PREX2: variants seen among roughly 807,000 people sequenced by gnomAD.
PREX2 encodes phosphatidylinositol 3,4,5-trisphosphate-dependent Rac exchanger 2 protein.
In PREX2, 107 loss-of-function variants were observed where a neutral mutation model predicts 203.2. That is an observed-to-expected ratio of 0.53 (90% confidence interval 0.45 to 0.62). The LOEUF is 0.62. Ranked by LOEUF, PREX2 falls within the 20% of genes least tolerant of loss-of-function variation. The pLI is 0.00. For synonymous variants in PREX2, 672 were observed against 663.6 expected, an observed-to-expected ratio of 1.01 and a Z score of -0.19; for missense variants, 1,777 against 1,955.9, an observed-to-expected ratio of 0.91 and a Z score of 1.72.
chr8:68,198,579 T>C (rs1812443923), intron 37 of PREX2, among the ~76,000 whole-genome samples: 1 of 152,232 alleles, frequency 6.6e-6, no homozygotes, highest in African/African-American at 2.4e-5. Flanking sequence ...CTGTTTTTCT[T>C]TAACCAATAT....
At chr8:67,976,096 G>T (rs980892596) in intron 1 of PREX2, among the ~76,000 whole-genome samples, 1 of 151,952 alleles carries the variant, frequency 6.6e-6, no homozygotes, top group Non-Finnish European at 1.5e-5. Context: ...TATAACACAC[G>T]GTTGCAACTA....
chr8:68,227,293 G>A (rs1813073551), intron 39 of PREX2, among the ~76,000 whole-genome samples: 1 of 152,142 alleles, frequency 6.6e-6, no homozygotes, highest in African/African-American at 2.4e-5. Flanking sequence ...GACACGAATT[G>A]GATAAAGGAG....
At chr8:68,229,991 C>G (rs1187852548) in intron 39 of PREX2, among the ~76,000 whole-genome samples, 1 of 152,162 alleles carries the variant, frequency 6.6e-6, no homozygotes, top group Non-Finnish European at 1.5e-5. Context: ...TAAGCTTCTT[C>G]TGATGTGAGA....
intron 1 of PREX2, among the ~76,000 whole-genome samples, chr8:67,973,592 A>T (rs767097214): frequency 5.9e-5 from 9 of 152,120 alleles, no homozygotes; most frequent in Non-Finnish European, 1.3e-4. Flanking sequence ...GTTTCATACC[A>T]CTTTTATCTT....
chr8:68,068,826 T>C (rs1809098993), intron 11 of PREX2, among the ~76,000 whole-genome samples: 1 of 128,034 alleles, frequency 7.8e-6, no homozygotes, highest in African/African-American at 2.9e-5. Context: ...AATCGTTATA[T>C]GGAAACTGTA....
At chr8:68,081,652 C>CT (rs1809529362) in intron 17 of PREX2, among the ~76,000 whole-genome samples, 1 of 152,138 alleles carries the variant, frequency 6.6e-6, no homozygotes, top group East Asian at 1.9e-4. Flanking sequence ...AAAGGACATG[C>CT]TTTAACTATT....
In PREX2 at chr8:68,192,458, G is replaced by T. The variant is rs766104460; in HGVS notation, c.4537G>T (p.Val1513Phe). ...TGCTTCTGGGGTTGGACTGCTGTCA[G>T]TTTCCTCGGAGCTGTGCAACAGGCT... ...CSASGVGLLS[V>F]SSELCNRLGA... Residue 1513 changes from valine (V) to phenylalanine (F), a missense_variant, in exon 37 of 40, where the codon GTT becomes TTT. Physicochemically the swap from Val to Phe is conservative, Grantham distance 50. Coordinates refer to ENST00000288368, the MANE Select transcript of PREX2 (RefSeq NM_024870.4). 1 of 1,613,380 alleles carries T rather than the reference G, an allele frequency of 6.2e-7. No homozygotes were observed. Among genetic ancestry groups the T allele is most frequent in the South Asian group, 1.1e-5 (1 of 91,044 alleles).
chr8:68,045,019 T>G (rs1412510235), intron 8 of PREX2, among the ~76,000 whole-genome samples: 3 of 152,138 alleles, frequency 2.0e-5, no homozygotes, highest in Admixed American at 1.3e-4. Context: ...GTTTTTCATA[T>G]AGACAGGTTG....
At chr8:68,093,875 T>C (rs767575285) in intron 21 of PREX2, among the ~76,000 whole-genome samples, 153 bp downstream of exon 21, 27 of 152,228 alleles carry the variant, frequency 1.8e-4, no homozygotes, top group Middle Eastern at 3.2e-3. Flanking sequence ...TAAGTAATAA[T>C]AGCTAGTAGC....
In PREX2 at chr8:68,082,393, G is replaced by T. The variant is rs561319154; in HGVS notation, c.1879-847G>T. The T allele has an allele frequency of 2.6e-5, 4 of 152,282 alleles. No individual in the cohort carries two copies. The East Asian group carries it at 5.8e-4, about 22-fold the overall frequency. The allele number at this position is 152,282 out of a possible 1,614,324, so 9.4% of individuals were successfully genotyped here. A position where few individuals can be genotyped will look rare whatever the true frequency, so the allele number is the denominator to read the frequency against. ...AGGTCTCTGTTTTATCAAAACACAG[G>T]TTCATGCAAGACAAAGCTTTCTGTA... On this transcript the variant is annotated intron_variant, in intron 17 of 39. Coordinates refer to ENST00000288368, the MANE Select transcript of PREX2 (RefSeq NM_024870.4).
At chr8:68,159,125 G>C (rs28784981) in intron 35 of PREX2, among the ~76,000 whole-genome samples, 1 of 152,004 alleles carries the variant, frequency 6.6e-6, no homozygotes, top group Non-Finnish European at 1.5e-5. Context: ...TTAAATCCAG[G>C]TTCTTCTTTA....
At chr8:68,204,050 A>G (rs75240658) in intron 37 of PREX2, among the ~76,000 whole-genome samples, 12 of 151,524 alleles carry the variant, frequency 7.9e-5, no homozygotes, top group Non-Finnish European at 1.5e-4. Flanking sequence ...CCCACCCACC[A>G]AAATAGAAAT....
intron 1 of PREX2, among the ~76,000 whole-genome samples, chr8:67,977,568 C>T (rs756363580): frequency 6.6e-6 from 1 of 152,040 alleles, no homozygotes; most frequent in South Asian, 2.1e-4. Context: ...ACAGAGTGAC[C>T]TTTGTATGCT....
chr8:68,217,814 G>A (rs976481664), intron 38 of PREX2, 96 bp downstream of exon 38: 4 of 863,562 alleles, frequency 4.6e-6, no homozygotes, highest in Admixed American at 2.0e-5. Context: ...GTGCCTGGAT[G>A]TGATGGACAG....
chr8:68,069,495 A>G lies in PREX2; in HGVS notation c.1444-340A>G, dbSNP rs141854826. ...TTGTACAGTTGACAATACTTTGTTG[A>G]TATATGATGAACAAGTATTATAGAT... On this transcript the variant is annotated intron_variant, in intron 12 of 39. Coordinates refer to ENST00000288368, the MANE Select transcript of PREX2 (RefSeq NM_024870.4). Among the ~76,000 whole-genome samples the G allele has an allele frequency of 2.6e-3, 391 of 149,682 alleles. 1 individual carries two copies. The highest frequency in any genetic ancestry group is 4.3e-3 in the Non-Finnish European group (288 of 67,318).
chr8:68,007,771 G>A (rs1421695948), intron 1 of PREX2, among the ~76,000 whole-genome samples: 1 of 152,030 alleles, frequency 6.6e-6, no homozygotes, highest in Non-Finnish European at 1.5e-5. Context: ...CACCACGCCT[G>A]GCTCATTTTT....
chr8:68,040,337 A>G (rs1808161047), intron 7 of PREX2, among the ~76,000 whole-genome samples: 1 of 152,002 alleles, frequency 6.6e-6, no homozygotes, highest in Non-Finnish European at 1.5e-5. Flanking sequence ...CACCTAGAAT[A>G]AAATTCACAC....
intron 16 of PREX2, 29 bp from the exon 17 acceptor site, chr8:68,080,717 A>G: frequency 3.4e-6 from 5 of 1,492,204 alleles, no homozygotes; most frequent in Non-Finnish European, 4.6e-6. Context: ...TAGTTGCTTT[A>G]TCAATAATGT....
At chr8:68,090,150 A>C (rs577726136) in intron 19 of PREX2, among the ~76,000 whole-genome samples, 1 of 152,244 alleles carries the variant, frequency 6.6e-6, no homozygotes, top group African/African-American at 2.4e-5. Context: ...TGTGCATGTT[A>C]AATTGTTGTC....
Sources: allele counts gnomAD v4.1 joint callset (sites outside exome capture counted in the v4.1 genomes callset), GRCh38; gene constraint gnomAD v4.1.1; transcripts MANE v1.5; gene names NCBI Gene and HGNC (gene_info 2026-07-23, HGNC 2026-07-21).